The following KHDC1 variants were observed in gnomAD, a reference collection of about 807,000 sequenced individuals.
KHDC1 encodes the protein KH homology domain-containing protein 1.
In KHDC1, 21 loss-of-function variants were observed where a neutral mutation model predicts 24.7. The observed-to-expected ratio is 0.85, with a 90% CI of 0.60 to 1.23. KHDC1 has a LOEUF of 1.23. Among genes scored for constraint, KHDC1 ranks in the 50% most tolerant of loss-of-function variants. The pLI, the probability that KHDC1 is intolerant of heterozygous loss-of-function variation, is 0.00. For missense variants in KHDC1, 274 were observed against 298.5 expected (o/e 0.92, Z 0.61); for synonymous variants, 98 against 111.7 (o/e 0.88, Z 0.77).
chr6:73,283,727 G>T (rs1480808520), intron 2 of KHDC1, among the ~76,000 whole-genome samples: 2 of 147,844 alleles, frequency 1.4e-5, no homozygotes, highest in Non-Finnish European at 3.0e-5. Context: ...TGCAACCTCT[G>T]CCCCCCAGGT....
rs190755342 is a variant in KHDC1 at position 73,258,185 on chromosome 6, G to T, written c.207-15655C>A. Among the ~76,000 whole-genome samples, 156 of 152,352 alleles carry T rather than the reference G, an allele frequency of 1.0e-3. 1 individual carries two copies. The highest frequency in any genetic ancestry group is 3.6e-3 in the African/African-American group (148 of 41,588). ...CAGGAGAATCACTTGAATCCGGGAG[G>T]TAGAGGTTGCAGTGAGCTGAGATCG... On this transcript the variant is annotated intron_variant, in intron 2 of 4. Transcript: ENST00000370384.
intron 2 of KHDC1, among the ~76,000 whole-genome samples, chr6:73,242,930 T>G (rs1009757344): frequency 6.6e-6 from 1 of 151,944 alleles, no homozygotes; most frequent in Non-Finnish European, 1.5e-5. Flanking sequence ...ATGACCAGAG[T>G]GTATTCCAAC....
intron 1 of KHDC1, among the ~76,000 whole-genome samples, chr6:73,293,481 G>T (rs567581430): frequency 2.0e-5 from 3 of 152,202 alleles, no homozygotes; most frequent in African/African-American, 7.2e-5. Context: ...ACATGTAGTT[G>T]TAAGAAGTTA....
At chr6:73,305,271 G>T (rs138356949) in intron 1 of KHDC1, among the ~76,000 whole-genome samples, 286 of 151,222 alleles carry the variant, frequency 1.9e-3, no homozygotes, top group African/African-American at 6.4e-3. Context: ...AAAAAATATA[G>T]AGAGAGATAA....
At chr6:73,277,114 A>G (rs1767312780) in intron 2 of KHDC1, among the ~76,000 whole-genome samples, 1 of 152,180 alleles carries the variant, frequency 6.6e-6, no homozygotes, top group Non-Finnish European at 1.5e-5. Context: ...TCTATAAATT[A>G]AGTTTTCATG....
chr6:73,304,537 G>C (rs2150755791), intron 1 of KHDC1, among the ~76,000 whole-genome samples: 1 of 152,276 alleles, frequency 6.6e-6, no homozygotes. Context: ...CTGGGCTCCA[G>C]AGATCTCTCC....
intron 1 of KHDC1, chr6:73,301,419 C>T (rs926195157): frequency 8.5e-5 from 13 of 152,050 alleles, no homozygotes; most frequent in Non-Finnish European, 1.6e-4. Flanking sequence ...CTAATGATTT[C>T]GAGAGCATTC....
chr6:73,296,194 T>C (rs2984129), intron 1 of KHDC1, among the ~76,000 whole-genome samples: 35,503 of 149,662 alleles, frequency 0.24, 4,826 homozygotes, highest in African/African-American at 0.38. Context: ...GTGGCTCATG[T>C]CTATAATCCT....
chr6:73,295,633 G>A (rs1767744861), intron 1 of KHDC1, among the ~76,000 whole-genome samples: 1 of 152,024 alleles, frequency 6.6e-6, no homozygotes, highest in Non-Finnish European at 1.5e-5. Flanking sequence ...ATTACCTGAG[G>A]TCAGGAGTTC....
At chr6:73,302,739 G>A (rs1171635500) in intron 1 of KHDC1, among the ~76,000 whole-genome samples, 2 of 152,190 alleles carry the variant, frequency 1.3e-5, no homozygotes, top group African/African-American at 2.4e-5. Flanking sequence ...TGACTGAAAT[G>A]TCATTATGTG....
intron 1 of KHDC1, among the ~76,000 whole-genome samples, chr6:73,293,433 CAAAA>C (rs982244757): frequency 2.0e-5 from 3 of 152,018 alleles, no homozygotes; most frequent in African/African-American, 7.2e-5. Context: ...ATTTAATTCA[CAAAA>C]AAATTTTAAT....
At chr6:73,309,497 TC>T (rs1768038498) in intron 1 of KHDC1, 4 of 1,464,618 alleles carry the variant, frequency 2.7e-6, no homozygotes, top group Middle Eastern at 2.2e-4. Context: ...AACTCGCCTT[TC>T]CGGGCACCTG....
At chr6:73,268,392 A>G (rs1767112842) in intron 2 of KHDC1, 1 of 153,242 alleles carries the variant, frequency 6.5e-6, no homozygotes, top group East Asian at 1.9e-4. Context: ...AAGAGTAAGC[A>G]GCAGCAAGAT....
At chr6:73,287,273 A>G (rs1227817671) in intron 2 of KHDC1, among the ~76,000 whole-genome samples, 2 of 152,174 alleles carry the variant, frequency 1.3e-5, no homozygotes, top group Non-Finnish European at 2.9e-5. Context: ...AATTGCGATG[A>G]TAGCCACTAT....
intron 1 of KHDC1, chr6:73,298,940 G>A (rs1163792703): frequency 6.6e-5 from 10 of 152,180 alleles, no homozygotes; most frequent in Admixed American, 6.6e-4. Context: ...TCCTTACGGG[G>A]AGGAAGAGGA....
intron 2 of KHDC1, among the ~76,000 whole-genome samples, chr6:73,257,949 A>C (rs959203571): frequency 2.0e-5 from 3 of 152,042 alleles, no homozygotes; most frequent in African/African-American, 7.2e-5. Flanking sequence ...CTCTACTAAA[A>C]ATTTTTAAAA....
chr6:73,305,129 T>G (rs1767938183), intron 1 of KHDC1, among the ~76,000 whole-genome samples: 1 of 152,012 alleles, frequency 6.6e-6, no homozygotes, highest in Non-Finnish European at 1.5e-5. Context: ...TCTCAGCTTC[T>G]CGGGAGGCTG....
chr6:73,269,993 C>G (rs1582566772), intron 2 of KHDC1: 1 of 152,266 alleles, frequency 6.6e-6, no homozygotes, highest in Non-Finnish European at 1.5e-5. Context: ...CCAGGCTGAT[C>G]TCAAGCTCCT....
At chr6:73,250,884 G>A (rs1460455805) in intron 2 of KHDC1, among the ~76,000 whole-genome samples, 1 of 152,164 alleles carries the variant, frequency 6.6e-6, no homozygotes, top group African/African-American at 2.4e-5. Context: ...CTGTTGCCCA[G>A]GCTGCAGTGC....
Sources: gnomAD v4.1 joint callset for allele counts (sites outside exome capture counted in the v4.1 genomes callset) on GRCh38, gnomAD v4.1.1 for gene constraint, MANE v1.5 for transcripts, NCBI Gene and HGNC (gene_info 2026-07-23, HGNC 2026-07-21) for gene names.